Variants in MMUT observed in about 807,000 individuals in gnomAD.
MMUT encodes methylmalonyl-CoA mutase.
Under a neutral mutation model 79.9 loss-of-function variants are expected in MMUT, and 79 were observed. The ratio of observed to expected loss-of-function variants is 0.99; its 90% CI spans 0.82 to 1.19. MMUT has a LOEUF of 1.19. Ranked by LOEUF, MMUT falls within the 50% of genes most tolerant of loss-of-function variation. MMUT has a pLI of 0.00. For synonymous variants in MMUT, 273 were observed against 295.7 expected, an observed-to-expected ratio of 0.92 and a Z score of 0.79; for missense variants, 860 against 917.2, an observed-to-expected ratio of 0.94 and a Z score of 0.81.
At chr6:49,434,070 A>C (rs1767058191) in intron 12 of MMUT, among the ~76,000 whole-genome samples, 1 of 152,216 alleles carries the variant, frequency 6.6e-6, no homozygotes, top group African/African-American at 2.4e-5. Flanking sequence ...CTCAACATGA[A>C]TTCCAATTCA....
intron 11 of MMUT, among the ~76,000 whole-genome samples, chr6:49,436,163 A>G (rs1347057883): frequency 6.6e-6 from 1 of 152,210 alleles, no homozygotes; most frequent in Non-Finnish European, 1.5e-5. Flanking sequence ...TGGAACGTTT[A>G]TACAGTGTTG....
intron 5 of MMUT, 49 bp from the exon 6 acceptor site, chr6:49,451,763 A>G: frequency 6.4e-7 from 1 of 1,569,572 alleles, no homozygotes; most frequent in African/African-American, 1.4e-5. Context: ...GGTGATAGAT[A>G]TTGCAACTAT....
intron 4 of MMUT, 76 bp from the exon 5 acceptor site, chr6:49,453,832 C>G (rs980826042): frequency 8.0e-7 from 1 of 1,242,756 alleles, no homozygotes; most frequent in African/African-American, 1.5e-5. Context: ...AATTGTATCA[C>G]ACACTAGAAA....
chr6:49,455,341 A>G (rs1767659574), intron 4 of MMUT, among the ~76,000 whole-genome samples: 1 of 152,184 alleles, frequency 6.6e-6, no homozygotes, highest in South Asian at 2.1e-4. Context: ...ATAAGCATAA[A>G]AACAGTTTTG....
rs144665233 is a variant in MMUT at position 49,444,750 on chromosome 6, T to G, written c.1565A>C (p.Lys522Thr). 7 of 1,611,382 alleles carry G rather than the reference T, an allele frequency of 4.3e-6. No homozygotes were observed. Among genetic ancestry groups the G allele is most frequent in the Admixed American group, 1.7e-5 (1 of 59,906 alleles). Reference sequence around the variant, plus strand: ...AGCCAAAGCTTGATCCCTGCTGGATTTGATCTATGGAAAAAGTCAAGGAAA... The same window carrying G: ...AGCCAAAGCTTGATCCCTGCTGGATGTGATCTATGGAAAAAGTCAAGGAAA... ...NRQIEKLKKI[K>T]SSRDQALAER... The change falls in exon 9 of 13, where the codon AAA becomes ACA. Residue 522 changes from lysine to threonine, a missense_variant. Transcript: ENST00000274813.
intron 11 of MMUT, among the ~76,000 whole-genome samples, chr6:49,438,752 C>T (rs1336373925): frequency 1.3e-5 from 2 of 152,188 alleles, no homozygotes; most frequent in South Asian, 2.1e-4. Context: ...CACCCTTAAT[C>T]TGGGTGGGCA....
chr6:49,461,940 C>T (rs1056899080), intron 1 of MMUT, among the ~76,000 whole-genome samples: 1 of 151,966 alleles, frequency 6.6e-6, no homozygotes, highest in South Asian at 2.1e-4. Context: ...AATAGTAATC[C>T]TGTAAAAGGT....
At position 49,444,622 on chromosome 6, in the gene MMUT, A is replaced by G. The variant is rs765713578; in HGVS notation, c.1676+17T>C. On this transcript the variant is annotated intron_variant, in intron 9 of 12. Transcript: ENST00000274813. ...AACTTTTAGTCTTTGGAAACCTCCA[A>G]ACTTATATATCTTCACCTTGCCCGA... 1 of 1,604,028 alleles carries G rather than the reference A, an allele frequency of 6.2e-7. No homozygotes were observed. The highest frequency in any genetic ancestry group is 8.5e-7 in the Non-Finnish European group (1 of 1,170,902).
At chr6:49,441,788 A>T (rs2127415138) in intron 10 of MMUT, 52 bp downstream of exon 10, 1 of 1,584,668 alleles carries the variant, frequency 6.3e-7, no homozygotes, top group Middle Eastern at 1.7e-4. Flanking sequence ...ATTCAAGGGG[A>T]TTGTGCTAAC....
chr6:49,450,677 T>C (rs940376621), intron 6 of MMUT, among the ~76,000 whole-genome samples: 1 of 152,144 alleles, frequency 6.6e-6, no homozygotes, highest in Non-Finnish European at 1.5e-5. Context: ...ATTATAAAAA[T>C]AGAATAAAGA....
At chr6:49,443,908 G>C in intron 9 of MMUT, 7 of 315,228 alleles carry the variant, frequency 2.2e-5, no homozygotes, top group South Asian at 1.8e-4. Context: ...GCATGTTAAG[G>C]GTTACAAAGG....
At chr6:49,432,967 T>C (rs1000937032) in intron 12 of MMUT, among the ~76,000 whole-genome samples, 3 of 152,182 alleles carry the variant, frequency 2.0e-5, no homozygotes, top group Non-Finnish European at 2.9e-5. Context: ...CAACTACTAC[T>C]TTTCTGTCTC....
Position 49,462,478 on chromosome 6 carries a change from C to T in MMUT, c.-40+625G>A, listed in dbSNP as rs542185538. 3.9e-5 allele frequency among the ~76,000 whole-genome samples: 6 copies of T among 152,290 alleles called. 1 individual carries two copies. The East Asian group carries it at 1.2e-3, about 29-fold the overall frequency. ...ACACAAAATTATATTGGCAGAAAAT[C>T]ATCAAGTGGTTTAAAACTTTACACA... On this transcript the variant is annotated intron_variant, in intron 1 of 12. Transcript: ENST00000274813.
At chr6:49,446,034 G>C (rs1767403584) in intron 8 of MMUT, among the ~76,000 whole-genome samples, 1 of 151,908 alleles carries the variant, frequency 6.6e-6, no homozygotes, top group African/African-American at 2.4e-5. Flanking sequence ...TTTGAGCAAA[G>C]ACCTAAGAAG....
chr6:49,445,834 AAACTC>A (rs1767398476), intron 8 of MMUT, among the ~76,000 whole-genome samples: 1 of 152,042 alleles, frequency 6.6e-6, no homozygotes, highest in Non-Finnish European at 1.5e-5. Context: ...GAGCAAGAAA[AAACTC>A]AACTCCAAAT....
intron 3 of MMUT, 65 bp downstream of exon 3, chr6:49,457,626 G>C: frequency 7.3e-7 from 1 of 1,361,334 alleles, no homozygotes; most frequent in Non-Finnish European, 1.0e-6. Flanking sequence ...TTCAGTTATA[G>C]CATGTTGTAA....
intron 11 of MMUT, among the ~76,000 whole-genome samples, chr6:49,439,543 G>C (rs1350639700): frequency 1.3e-5 from 2 of 152,082 alleles, no homozygotes. Flanking sequence ...ACTCAAAACT[G>C]GCAGTCTTTT....
intron 11 of MMUT, among the ~76,000 whole-genome samples, chr6:49,439,781 G>A (rs1046628517): frequency 4.6e-5 from 7 of 152,310 alleles, no homozygotes; most frequent in Admixed American, 4.6e-4. Flanking sequence ...CTGAATTTTA[G>A]TCAGATTTAT....
chr6:49,431,597 T>C lies in MMUT; in HGVS notation c.*131A>G, dbSNP rs1001669081. ...CATGACACCAGGCCTATAAGTAAGG[T>C]ATTTTAAAGTAAAGCTTTCAAGGAA... is the stretch of plus-strand genomic sequence containing the variant. On this transcript the variant is annotated 3_prime_UTR_variant, in exon 13 of 13. Transcript: ENST00000274813. The C allele has an allele frequency of 2.2e-5, 20 of 918,860 alleles. No homozygotes were observed. The Admixed American group carries it at 2.2e-4, about 10-fold the overall frequency. The allele number at this position is 918,860 out of a possible 1,614,324, so 56.9% of individuals were successfully genotyped here.
Sources: gnomAD v4.1 joint callset for allele counts (sites outside exome capture counted in the v4.1 genomes callset) on GRCh38, gnomAD v4.1.1 for gene constraint, MANE v1.5 for transcripts, NCBI Gene and HGNC (gene_info 2026-07-23, HGNC 2026-07-21) for gene names.